The following TRRAP variants were observed in gnomAD, a reference collection of about 807,000 sequenced individuals.
TRRAP encodes transformation/transcription domain-associated protein.
Under a neutral mutation model 438.8 loss-of-function variants are expected in TRRAP, and 41 were observed. That is an observed-to-expected ratio of 0.09 (90% CI 0.07 to 0.12). The LOEUF (loss-of-function observed/expected upper bound fraction) is 0.12, where lower values mean the gene tolerates loss of function less well. Ranked by LOEUF, TRRAP falls within the 10% of genes least tolerant of loss-of-function variation. TRRAP has a pLI of 1.00. For missense variants in TRRAP, 3,122 were observed against 5,055.1 expected (o/e 0.62, Z 11.60); for synonymous variants, 1,994 against 1,962.9 (o/e 1.02, Z -0.42).
rs761352412 is a variant in TRRAP, at chr7:98,994,634, G to A, written c.10095G>A (p.Ala3365=). The A allele has an allele frequency of 4.0e-5, 64 of 1,614,044 alleles. No individual in the cohort carries two copies. Among genetic ancestry groups the A allele is most frequent in the East Asian group, 8.9e-5 (4 of 44,890 alleles). Residue 3365 remains alanine (A), a synonymous_variant, in exon 67 of 73, where the codon GCG becomes GCA. Coordinates refer to ENST00000456197, the MANE Select transcript of TRRAP (RefSeq NM_001375524.1). This position sits in a 1 kb window ranked among gnomAD's most constrained non-coding sequence, Gnocchi z 4.8. ...GCCTGGCGAAATGTTACTCCGTGGC[G>A]TTTGAGAAAAGTGGAGCGGTGTCCG... is the stretch of plus-strand genomic sequence containing the variant. ...QQGLAKCYSV[A]FEKSGAVSDA...
chr7:98,949,533 G>T lies in TRRAP; in HGVS notation c.4905G>T (p.Ser1635=). 6.2e-7 allele frequency: 1 copy of T among 1,602,916 alleles called. No homozygotes were observed. The highest frequency in any genetic ancestry group is 8.5e-7 in the Non-Finnish European group (1 of 1,175,132). The part of the protein sequence containing the change: ...GGAQTAVRPG[S]PSTSTMRLDL... Reference sequence around the variant, plus strand: ...CCCAGACGGCTGTGCGCCCCGGTTCGCCCAGCACCAGCACCATGCGCCTGG... The same window carrying T: ...CCCAGACGGCTGTGCGCCCCGGTTCTCCCAGCACCAGCACCATGCGCCTGG... Residue 1635 remains serine, a synonymous_variant, in exon 36 of 73, where the codon TCG becomes TCT. Coordinates refer to ENST00000456197, the MANE Select transcript of TRRAP (RefSeq NM_001375524.1).
In TRRAP at chr7:98,910,334, C is replaced by G. The variant is rs1554408522; in HGVS notation, c.1629C>G (p.Val543=). The G allele has an allele frequency of 6.2e-7, 1 of 1,610,672 alleles. No individual in the cohort carries two copies. The highest frequency in any genetic ancestry group is 8.5e-7 in the Non-Finnish European group (1 of 1,179,826). Residue 543 remains valine (V), a synonymous_variant, in exon 15 of 73, where the codon GTC becomes GTG. Transcript: ENST00000456197. The part of the protein sequence containing the change: ...KDKEDKQTFQ[V]TDCRSLVKTL... Reference sequence around the variant, plus strand: ...AGGAAGACAAGCAGACATTCCAAGTCACAGACTGTCGAAGTTTGGTCAAAA... The same window carrying G: ...AGGAAGACAAGCAGACATTCCAAGTGACAGACTGTCGAAGTTTGGTCAAAA...
chr7:98,964,820 C>T (rs1343839887), intron 48 of TRRAP, 45 bp downstream of exon 48: 2 of 1,581,472 alleles, frequency 1.3e-6, no homozygotes, highest in Non-Finnish European at 1.7e-6. Flanking sequence ...CTCTGTTGAA[C>T]AGAGAACAGA....
chr7:98,992,255 A>G lies in TRRAP; in HGVS notation c.9847+28A>G, dbSNP rs776764444. The G allele has an allele frequency of 2.5e-5, 41 of 1,611,224 alleles. No homozygotes were observed. In the Middle Eastern group the frequency reaches 1.2e-3, roughly 45 times the overall value. On this transcript the variant is annotated intron_variant, in intron 65 of 72. Coordinates refer to ENST00000456197, the MANE Select transcript of TRRAP (RefSeq NM_001375524.1). Reference sequence around the variant, plus strand: ...ACGTCTCGGGTGGGGCCGGTAGGCCAGGCCGGGAAGGGCTCATTCCAGGGG... The same window carrying G: ...ACGTCTCGGGTGGGGCCGGTAGGCCGGGCCGGGAAGGGCTCATTCCAGGGG...
chr7:99,011,995 C>T lies in TRRAP; in HGVS notation c.11338-76C>T, dbSNP rs1794450570. 1 of 1,554,212 alleles carries T rather than the reference C, an allele frequency of 6.4e-7. No individual in the cohort carries two copies. The highest frequency in any genetic ancestry group is 8.7e-7 in the Non-Finnish European group (1 of 1,145,688). ...CCCTGAGCGGCCGCTGTGGTTGAGT[C>T]CCACCTTGTTAGGAAGCTGCCCCTG... On this transcript the variant is annotated intron_variant, in intron 72 of 72. Transcript: ENST00000456197. The surrounding 1 kb of genome is among the most constrained non-coding windows in gnomAD (Gnocchi z 7.1).
chr7:98,891,203 ATT>A (rs869214006), intron 4 of TRRAP, among the ~76,000 whole-genome samples: 3 of 128,426 alleles, frequency 2.3e-5, no homozygotes, highest in African/African-American at 9.4e-5. Flanking sequence ...ATATATATAT[ATT>A]TTTTTTTTTT....
intron 33 of TRRAP, 127 bp downstream of exon 33, chr7:98,946,077 T>C (rs1348357499): frequency 3.1e-6 from 3 of 964,202 alleles, no homozygotes; most frequent in Non-Finnish European, 2.7e-6. Context: ...TGACCTGTAT[T>C]GTCTGTCTGT....
rs575162380 is a variant in TRRAP at position 98,952,792 on chromosome 7, A to C, written c.5464-375A>C. 3.3e-5 allele frequency among the ~76,000 whole-genome samples: 5 copies of C among 152,244 alleles called. 1 individual carries two copies. The East Asian group carries it at 9.7e-4, about 29-fold the overall frequency. ...TTCATCTCATGCTCGGTAAGTCAGCACTTTACGTAAGATAAGGTGAACGTG... is the reference window on the plus strand; with the variant it reads ...TTCATCTCATGCTCGGTAAGTCAGCCCTTTACGTAAGATAAGGTGAACGTG... On this transcript the variant is annotated intron_variant, in intron 39 of 72. Coordinates refer to ENST00000456197, the MANE Select transcript of TRRAP (RefSeq NM_001375524.1).
chr7:98,935,730 G>C, intron 28 of TRRAP, 55 bp downstream of exon 28: 2 of 1,408,454 alleles, frequency 1.4e-6, no homozygotes, highest in Non-Finnish European at 1.9e-6. Flanking sequence ...GACCACAGGA[G>C]GTCTATAGAA....
At chr7:98,965,623 G>A in intron 48 of TRRAP, 73 bp from the exon 49 acceptor site, 1 of 1,599,434 alleles carries the variant, frequency 6.3e-7, no homozygotes. Flanking sequence ...AGCATGCCAG[G>A]CAAGGCTTAG....
intron 40 of TRRAP, among the ~76,000 whole-genome samples, chr7:98,953,926 A>G (rs372285545): frequency 6.6e-6 from 1 of 152,052 alleles, no homozygotes; most frequent in African/African-American, 2.4e-5. Context: ...TCGTTCCTCA[A>G]CAGCTTTGCT....
At chr7:98,925,365 T>C (rs1790000163) in intron 22 of TRRAP, 102 bp downstream of exon 22, 3 of 1,489,472 alleles carry the variant, frequency 2.0e-6, no homozygotes, top group Non-Finnish European at 9.0e-7. Flanking sequence ...GCAGGCTCCT[T>C]GAAGTCCAGC....
chr7:98,996,330 C>G (rs1463606275), intron 67 of TRRAP, among the ~76,000 whole-genome samples: 1 of 152,244 alleles, frequency 6.6e-6, no homozygotes, highest in Non-Finnish European at 1.5e-5. Context: ...CTCCATCCCA[C>G]TTACCTGCGG....
rs539376954 is a variant in TRRAP, at chr7:98,963,551, G to A, written c.6830-1078G>A. ...TTGGCCACACCGTCGTCCCCATGCC[G>A]GATCTGGGGTGTAGTCTCAGCCGTC... On this transcript the variant is annotated intron_variant, in intron 47 of 72. Coordinates refer to ENST00000456197, the MANE Select transcript of TRRAP (RefSeq NM_001375524.1). Among the ~76,000 whole-genome samples the A allele has an allele frequency of 6.6e-5, 10 of 152,270 alleles. 1 individual carries two copies. Among genetic ancestry groups the A allele is most frequent in the South Asian group, 6.2e-4 (3 of 4,822 alleles).
rs1795907543 is a variant in TRRAP at position 98,890,296 on chromosome 7, C to A, written c.151-39C>A. The A allele has an allele frequency of 4.5e-6, 6 of 1,328,302 alleles. No homozygotes were observed. The East Asian group carries it at 1.0e-4, about 23-fold the overall frequency. 82.3% of individuals were successfully genotyped at this position (1,328,302 alleles called of 1,614,324 possible). A position where few individuals can be genotyped will look rare whatever the true frequency, so the allele number is the denominator to read the frequency against. ...TGTAAATTTGAAATGAAAATACATACACATAACTGAATGGGGTCTTTTATT... is the reference window on the plus strand; with the variant it reads ...TGTAAATTTGAAATGAAAATACATAAACATAACTGAATGGGGTCTTTTATT... On this transcript the variant is annotated intron_variant, in intron 3 of 72. Coordinates refer to ENST00000456197, the MANE Select transcript of TRRAP (RefSeq NM_001375524.1).
At chr7:98,979,836 A>AAATTAATTTCAAAT (rs1433564511) in intron 58 of TRRAP, among the ~76,000 whole-genome samples, 5 of 152,242 alleles carry the variant, frequency 3.3e-5, no homozygotes, top group African/African-American at 7.2e-5. Context: ...AATCTGCACT[A>AAATTAATTTCAAAT]AATTAATTTC....
chr7:98,898,497 CAG>C (rs1160338057), intron 8 of TRRAP, among the ~76,000 whole-genome samples: 6 of 152,306 alleles, frequency 3.9e-5, no homozygotes, highest in East Asian at 3.9e-4. Context: ...AATGGTTGTG[CAG>C]AGTGTTTCAG....
At chr7:98,905,433 AC>A (rs1796683822) in intron 12 of TRRAP, among the ~76,000 whole-genome samples, 1 of 152,106 alleles carries the variant, frequency 6.6e-6, no homozygotes, top group South Asian at 2.1e-4. Context: ...GAACCTGAAC[AC>A]CCTTTGGGAT....
At chr7:98,915,638 C>T (rs1467225513) in intron 18 of TRRAP, 85 bp from the exon 19 acceptor site, 27 of 1,484,194 alleles carry the variant, frequency 1.8e-5, no homozygotes, top group African/African-American at 1.7e-4. Flanking sequence ...CCATTGCTGT[C>T]GGATTACAGT....
Sources: gnomAD v4.1 joint callset for allele counts (sites outside exome capture counted in the v4.1 genomes callset) on GRCh38, gnomAD v4.1.1 for gene constraint, Gnocchi (gnomAD v3.1) non-coding constraint, MANE v1.5 for transcripts, NCBI Gene and HGNC (gene_info 2026-07-23, HGNC 2026-07-21) for gene names.